Variants in CDK6 observed in about 807,000 individuals in gnomAD.
CDK6 encodes cyclin dependent kinase 6, also known as cyclin-dependent kinase 6.
In CDK6, 6 loss-of-function variants were observed where a neutral mutation model predicts 37.1. The observed-to-expected ratio is 0.16, with a 90% CI of 0.09 to 0.32. The LOEUF (loss-of-function observed/expected upper bound fraction) is 0.32, where lower values mean the gene tolerates loss of function less well. Ranked by LOEUF, CDK6 falls within the 10% of genes least tolerant of loss-of-function variation. CDK6 has a pLI of 1.00. For synonymous variants in CDK6, 160 were observed against 161.3 expected (o/e 0.99, Z 0.06); for missense variants, 224 against 418.9 (o/e 0.53, Z 4.06).
At chr7:92,641,437 A>G (rs1796302773) in intron 5 of CDK6, among the ~76,000 whole-genome samples, 1 of 152,078 alleles carries the variant, frequency 6.6e-6, no homozygotes, top group Admixed American at 6.6e-5. Flanking sequence ...ATTGTTTTAT[A>G]TTTGTCCAGT....
intron 4 of CDK6, among the ~76,000 whole-genome samples, chr7:92,712,114 A>C (rs1181289274): frequency 6.6e-6 from 1 of 151,060 alleles, no homozygotes; most frequent in Non-Finnish European, 1.5e-5. Flanking sequence ...GAGCCGAGAG[A>C]GCGCCACTGC....
At position 92,613,754 on chromosome 7, in the gene CDK6, A is replaced by G. The variant is rs1261176771; in HGVS notation, c.*1386T>C. 4.3e-6 allele frequency: 1 copy of G among 233,098 alleles called. No homozygotes were observed. The highest frequency in any genetic ancestry group is 8.5e-6 in the Non-Finnish European group (1 of 118,006). The allele number at this position is 233,098 out of a possible 1,614,324, so 14.4% of individuals were successfully genotyped here. ...TGTAATTCACAAAGTAACAGTTTAT[A>G]GCAATCTGTGTGCTGGTGATAAAAC... On this transcript the variant is annotated 3_prime_UTR_variant, in exon 8 of 8. Coordinates refer to ENST00000424848, the MANE Select transcript of CDK6 (RefSeq NM_001145306.2).
chr7:92,719,990 C>T (rs1798328513), intron 4 of CDK6, among the ~76,000 whole-genome samples: 1 of 152,094 alleles, frequency 6.6e-6, no homozygotes, highest in South Asian at 2.1e-4. Context: ...GGAGAGGACA[C>T]AGATAGGACT....
chr7:92,768,057 A>G (rs1394732535), intron 3 of CDK6, among the ~76,000 whole-genome samples: 1 of 152,198 alleles, frequency 6.6e-6, no homozygotes, highest in African/African-American at 2.4e-5. Context: ...GGAGAAGGGC[A>G]GAAGAACTAA....
intron 3 of CDK6, among the ~76,000 whole-genome samples, chr7:92,733,259 T>C (rs1378237385): frequency 2.6e-5 from 4 of 152,172 alleles, no homozygotes; most frequent in African/African-American, 9.7e-5. Context: ...TTAATGTTTA[T>C]AATATCGCCT....
At chr7:92,692,532 C>T (rs918761878) in intron 4 of CDK6, among the ~76,000 whole-genome samples, 1 of 152,110 alleles carries the variant, frequency 6.6e-6, no homozygotes, top group African/African-American at 2.4e-5. Flanking sequence ...TGCCTGTAAT[C>T]CAGCACTTTG....
intron 4 of CDK6, among the ~76,000 whole-genome samples, chr7:92,722,464 G>A (rs949656374): frequency 2.6e-5 from 4 of 152,170 alleles, no homozygotes; most frequent in Non-Finnish European, 5.9e-5. Flanking sequence ...ACTTGGGTTT[G>A]CGTCAACTTT....
At chr7:92,641,083 G>A (rs556887570) in intron 5 of CDK6, among the ~76,000 whole-genome samples, 1 of 152,290 alleles carries the variant, frequency 6.6e-6, no homozygotes, top group East Asian at 1.9e-4. Context: ...ACAGTTGAAA[G>A]ATAACTATTA....
At chr7:92,663,176 G>T (rs1796875698) in intron 5 of CDK6, among the ~76,000 whole-genome samples, 1 of 152,050 alleles carries the variant, frequency 6.6e-6, no homozygotes, top group Non-Finnish European at 1.5e-5. Context: ...TGGTAGAGTG[G>T]TATATGATAT....
intron 5 of CDK6, among the ~76,000 whole-genome samples, chr7:92,656,033 G>T (rs1730087403): frequency 6.6e-6 from 1 of 152,108 alleles, no homozygotes; most frequent in Non-Finnish European, 1.5e-5. Context: ...AAGGTTAAAG[G>T]CGAAAGACCA....
intron 3 of CDK6, among the ~76,000 whole-genome samples, chr7:92,728,705 G>T (rs1288533480): frequency 1.3e-5 from 2 of 152,172 alleles, no homozygotes; most frequent in African/African-American, 4.8e-5. Context: ...GATGCCTATA[G>T]ATGTAAGTTG....
chr7:92,725,878 T>C, intron 3 of CDK6, 85 bp from the exon 4 acceptor site: 1 of 1,259,688 alleles, frequency 7.9e-7, no homozygotes, highest in Non-Finnish European at 1.1e-6. Context: ...TCCTTAGCAT[T>C]TTGTGGCTGC....
At chr7:92,815,039 C>CT (rs1800991315) in intron 2 of CDK6, among the ~76,000 whole-genome samples, 2 of 152,126 alleles carry the variant, frequency 1.3e-5, no homozygotes, top group African/African-American at 4.8e-5. Context: ...GTGGAGGAAG[C>CT]AGAAGCTGGA....
At chr7:92,725,532 G>C (rs1377199125) in intron 4 of CDK6, 94 bp downstream of exon 4, 3 of 1,311,174 alleles carry the variant, frequency 2.3e-6, no homozygotes, top group African/African-American at 3.0e-5. Context: ...ACTAGTCATG[G>C]GCAGTACTAA....
intron 4 of CDK6, among the ~76,000 whole-genome samples, chr7:92,699,822 T>C (rs1797802802): frequency 6.6e-6 from 1 of 152,312 alleles, no homozygotes; most frequent in South Asian, 2.1e-4. Flanking sequence ...CGTAAATAAT[T>C]TAAAAGCCTG....
At chr7:92,699,021 G>A (rs747676789) in intron 4 of CDK6, among the ~76,000 whole-genome samples, 8 of 152,096 alleles carry the variant, frequency 5.3e-5, no homozygotes, top group Non-Finnish European at 1.0e-4. Context: ...TCTCCAGGAG[G>A]ACAATTCCAG....
intron 5 of CDK6, among the ~76,000 whole-genome samples, chr7:92,669,014 C>T (rs1004906413): frequency 6.6e-6 from 1 of 152,238 alleles, no homozygotes; most frequent in African/African-American, 2.4e-5. Flanking sequence ...CAAAGGATCT[C>T]TACCCAATGT....
intron 5 of CDK6, among the ~76,000 whole-genome samples, chr7:92,658,525 A>T (rs1188417140): frequency 3.3e-5 from 5 of 152,160 alleles, no homozygotes; most frequent in Non-Finnish European, 7.3e-5. Flanking sequence ...CTGTGAGAAA[A>T]ATTTACATAT....
At chr7:92,793,038 C>T (rs751218938) in intron 2 of CDK6, among the ~76,000 whole-genome samples, 5 of 151,822 alleles carry the variant, frequency 3.3e-5, no homozygotes, top group Non-Finnish European at 5.9e-5. Flanking sequence ...CAACAAAATA[C>T]GTATAAATTT....
Sources: allele counts gnomAD v4.1 joint callset (sites outside exome capture counted in the v4.1 genomes callset), GRCh38; gene constraint gnomAD v4.1.1; transcripts MANE v1.5; gene names NCBI Gene and HGNC (gene_info 2026-07-23, HGNC 2026-07-21).